The following MYOM3 variants were observed in gnomAD, a reference collection of about 807,000 sequenced individuals.
The protein encoded by MYOM3 is myomesin 3.
In MYOM3, 155 loss-of-function variants were observed where a neutral mutation model predicts 191.7. The observed-to-expected ratio is 0.81, with a 90% CI of 0.71 to 0.92. MYOM3 has a LOEUF of 0.92. MYOM3 is among the 40% of genes least tolerant of loss of function. The pLI, the probability that MYOM3 is intolerant of heterozygous loss-of-function variation, is 0.00. For missense variants in MYOM3, 1,889 were observed against 1,890.6 expected (o/e 1.00, Z 0.02); for synonymous variants, 757 against 762.9 (o/e 0.99, Z 0.13).
intron 25 of MYOM3, among the ~76,000 whole-genome samples, chr1:24,069,847 G>C (rs973871689): frequency 1.3e-5 from 2 of 151,926 alleles, no homozygotes; most frequent in Admixed American, 1.3e-4. Context: ...CTGACCTCAG[G>C]TGATTCGCCT....
Position 24,082,145 on chromosome 1 carries a change from C to T in MYOM3, c.2136G>A (p.Gly712=). The T allele has an allele frequency of 6.2e-7, 1 of 1,613,482 alleles. No individual in the cohort carries two copies. Among genetic ancestry groups the T allele is most frequent in the Non-Finnish European group, 8.5e-7 (1 of 1,179,786 alleles). ...APYGFALLNC[G]KNEMVIGWKP... is the part of the protein sequence containing the mutation. ...TCCACCCAATGACCATTTCATTCTT[C>T]CCGCAGTTCAGGAGGGCAAAGCCAT... Residue 712 remains glycine (G), a synonymous_variant, in exon 18 of 37, where the codon GGG becomes GGA. Transcript: ENST00000374434.
intron 16 of MYOM3, chr1:24,082,959 C>T (rs1247292934): frequency 1.3e-5 from 5 of 381,456 alleles, no homozygotes; most frequent in East Asian, 9.5e-5. Flanking sequence ...AACGCAAATA[C>T]GCTAGGAAAG....
intron 29 of MYOM3, among the ~76,000 whole-genome samples, chr1:24,065,200 C>T (rs1643418813): frequency 6.6e-6 from 1 of 152,220 alleles, no homozygotes; most frequent in African/African-American, 2.4e-5. Context: ...TGGCATCAGC[C>T]TGGCCAGGAT....
intron 9 of MYOM3, among the ~76,000 whole-genome samples, chr1:24,094,072 C>T (rs796097850): frequency 2.6e-5 from 4 of 152,254 alleles, no homozygotes; most frequent in East Asian, 1.9e-4. Context: ...CTGCAAAGTC[C>T]GATGCAACTG....
rs202159823 is a variant in MYOM3 at position 24,089,572 on chromosome 1, C to T, written c.1580G>A (p.Arg527Gln). The T allele has an allele frequency of 2.2e-4, 358 of 1,598,610 alleles. 1 individual carries two copies. Among genetic ancestry groups the T allele is most frequent in the Non-Finnish European group, 2.0e-4 (235 of 1,172,826 alleles). Reference sequence around the variant, plus strand: ...GGAGTACGTCAGTGGTGCTCTGTCCCGGGGGCTGGGCTCCTCCCAGGCCAG... The same window carrying T: ...GGAGTACGTCAGTGGTGCTCTGTCCTGGGGGCTGGGCTCCTCCCAGGCCAG... The part of the protein sequence containing the change: ...VVLAWEEPSP[R>Q]DRAPLTYSLE... Residue 527 changes from arginine (R) to glutamine (Q), a missense_variant, in exon 14 of 37, where the codon CGG (arginine) becomes CAG (glutamine). Physicochemically the swap from Arg to Gln is conservative, Grantham distance 43 (BLOSUM62 1). Coordinates refer to ENST00000374434, the MANE Select transcript of MYOM3 (RefSeq NM_152372.4).
chr1:24,095,040 G>A, intron 8 of MYOM3, 50 bp from the exon 9 acceptor site: 1 of 1,587,360 alleles, frequency 6.3e-7, no homozygotes, highest in East Asian at 2.2e-5. Flanking sequence ...CAGCCAGCCT[G>A]GCCTGGGACT....
At chr1:24,066,455 C>T in intron 28 of MYOM3, 1 of 562,338 alleles carries the variant, frequency 1.8e-6, no homozygotes, top group Non-Finnish European at 3.2e-6. Context: ...AATGAATATG[C>T]TTCTGGGAGA....
chr1:24,063,061 C>A lies in MYOM3; in HGVS notation c.3770+65G>T. 8 of 1,063,548 alleles carry A rather than the reference C, an allele frequency of 7.5e-6. No homozygotes were observed. Among genetic ancestry groups the A allele is most frequent in the South Asian group, 1.3e-5 (1 of 78,042 alleles). 65.9% of individuals were successfully genotyped at this position (1,063,548 alleles called of 1,614,324 possible). On this transcript the variant is annotated intron_variant, in intron 32 of 36. Transcript: ENST00000374434. The surrounding 1 kb of genome is among the most constrained non-coding windows in gnomAD (Gnocchi z 4.5). ...ACCAGGCAGGGAGAAGGGAGGGAGG[C>A]CCCCATGGGTCAGGTGCTGAATCCT...
rs200850259 is a variant in MYOM3, at chr1:24,081,380, G to A, written c.2357C>T (p.Ser786Leu). The A allele has an allele frequency of 3.4e-5, 55 of 1,614,026 alleles. No homozygotes were observed. In the Admixed American group the frequency reaches 3.8e-4, roughly 11 times the overall value. The change falls in exon 19 of 37, where the codon TCG becomes TTG. Residue 786 changes from serine to leucine, a missense_variant. Transcript: ENST00000374434. ...AANWAGVGEL[S>L]APSSLFECKE... The stretch of plus-strand genomic sequence containing the variant: ...GCACTCAAACAGGCTGCTGGGTGCC[G>A]ACAGCTCGCCAACACCTGCCCAGTT...
intron 1 of MYOM3, among the ~76,000 whole-genome samples, chr1:24,110,665 C>T (rs1397725130): frequency 6.6e-6 from 1 of 152,148 alleles, no homozygotes; most frequent in Admixed American, 6.5e-5. Flanking sequence ...GGACCAAGGG[C>T]TGCCCCCTAA....
intron 28 of MYOM3, 189 bp downstream of exon 28, chr1:24,066,832 G>C: frequency 3.6e-6 from 2 of 557,610 alleles, no homozygotes; most frequent in South Asian, 2.6e-5. Context: ...TACCCCATGG[G>C]CGCTGGGAAG....
At chr1:24,082,274 C>T (rs1643680392) in intron 17 of MYOM3, 86 bp from the exon 18 acceptor site, 1 of 1,278,142 alleles carries the variant, frequency 7.8e-7, no homozygotes, top group Admixed American at 2.5e-5. Flanking sequence ...GACGAGCCTC[C>T]TCTAGTTGGT....
rs569681661 is a variant in MYOM3, at chr1:24,075,179, TC to T, written c.2858+139del. The T allele has an allele frequency of 4.2e-4, 321 of 756,810 alleles. 1 individual carries two copies. Among genetic ancestry groups the T allele is most frequent in the Non-Finnish European group, 5.5e-4 (252 of 455,880 alleles). 46.9% of individuals were successfully genotyped at this position (756,810 alleles called of 1,614,324 possible). ...CTTCTCACTAAGGTGGCAGTCAGCG[TC>T]CTCAGTGAAAGACTGAGCAGCGCCT... On this transcript the variant is annotated intron_variant, in intron 22 of 36. Coordinates refer to ENST00000374434, the MANE Select transcript of MYOM3 (RefSeq NM_152372.4).
intron 28 of MYOM3, chr1:24,066,460 G>A (rs1438927979): frequency 3.6e-6 from 2 of 556,548 alleles, no homozygotes; most frequent in Admixed American, 6.3e-5. Context: ...ATATGCTTCT[G>A]GGAGAGCACC....
At chr1:24,100,795 C>G (rs6659802) in intron 5 of MYOM3, among the ~76,000 whole-genome samples, 59,909 of 151,050 alleles carry the variant, frequency 0.4, 12,043 homozygotes, top group Non-Finnish European at 0.41. Flanking sequence ...GTTGAGGCAG[C>G]AGAATGACAT....
chr1:24,080,475 A>T (rs932213282), intron 19 of MYOM3, among the ~76,000 whole-genome samples: 15 of 152,134 alleles, frequency 9.9e-5, no homozygotes, highest in Admixed American at 2.0e-4. Flanking sequence ...CCCAGACAGC[A>T]TTAATCCTTC....
Position 24,063,360 on chromosome 1 carries a change from G to C in MYOM3, c.3662-126C>G. The C allele has an allele frequency of 7.2e-6, 10 of 1,384,230 alleles. No individual in the cohort carries two copies. In the South Asian group the frequency reaches 1.2e-4, roughly 16 times the overall value. 85.7% of individuals were successfully genotyped at this position (1,384,230 alleles called of 1,614,324 possible). ...GGGGGAAATGCAGTGCTGTGAAGAG[G>C]CGGGATTTTCTCTTCGGTGTTTGAG... On this transcript the variant is annotated intron_variant, in intron 31 of 36. Coordinates refer to ENST00000374434, the MANE Select transcript of MYOM3 (RefSeq NM_152372.4). The surrounding 1 kb of genome is among the most constrained non-coding windows in gnomAD (Gnocchi z 4.5).
rs1168437657 is a variant in MYOM3 at position 24,062,019 on chromosome 1, GT to G, written c.3860del (p.Asp1287AlafsTer9). On this transcript the variant is annotated frameshift_variant, in exon 33 of 37. Coordinates refer to ENST00000374434, the MANE Select transcript of MYOM3 (RefSeq NM_152372.4). LOFTEE classifies it high-confidence loss of function. ...CTATTTCCAGAGTGTATTTGCCCTT[GT>G]CTGAGTCTTTGGGGTCCAGGATGTG... ...WLHILDPKDSDKGKYTLEIAA... is the reference protein window; with the variant it reads ...WLHILDPKDSXKGKYTLEIAA... 6.2e-7 allele frequency: 1 copy of G among 1,614,192 alleles called. No individual in the cohort carries two copies.
intron 25 of MYOM3, 113 bp downstream of exon 25, chr1:24,071,004 C>A: frequency 7.5e-7 from 1 of 1,331,326 alleles, no homozygotes; most frequent in Non-Finnish European, 1.0e-6. Context: ...AGCACACCGT[C>A]ATTTCTGAAA....
Sources: allele counts gnomAD v4.1 joint callset (sites outside exome capture counted in the v4.1 genomes callset), GRCh38; gene constraint gnomAD v4.1.1; non-coding constraint Gnocchi (gnomAD v3.1); transcripts MANE v1.5; gene names NCBI Gene and HGNC (gene_info 2026-07-23, HGNC 2026-07-21).